The following PER2 variants were observed in gnomAD, a reference collection of about 807,000 sequenced individuals.
The protein encoded by PER2 is period circadian protein homolog 2.
Under a neutral mutation model 121.0 loss-of-function variants are expected in PER2, and 66 were observed. The observed-to-expected ratio is 0.55, with a 90% CI of 0.45 to 0.67. The LOEUF (loss-of-function observed/expected upper bound fraction) is 0.67, where lower values mean the gene tolerates loss of function less well. Among genes scored for constraint, PER2 ranks in the 30% least tolerant of loss-of-function variants. The probability of loss-of-function intolerance (pLI) is 0.00; values close to 1 mark genes in which losing one functional copy is unlikely to be tolerated. For missense variants in PER2, 1,521 were observed against 1,635.0 expected (o/e 0.93, Z 1.20); for synonymous variants, 684 against 659.9 (o/e 1.04, Z -0.56).
At chr2:238,272,058 A>G (rs1696307275) in intron 5 of PER2, among the ~76,000 whole-genome samples, 1 of 152,206 alleles carries the variant, frequency 6.6e-6, no homozygotes, top group African/African-American at 2.4e-5. Context: ...GGCCAGGAGT[A>G]CCTCTCAGGT....
chr2:238,261,662 C>A (rs745735219), intron 12 of PER2, 67 bp downstream of exon 12: 1 of 997,958 alleles, frequency 1.0e-6, no homozygotes, highest in African/African-American at 1.6e-5. Flanking sequence ...GGGTTCAGAG[C>A]CTATGTCCTC....
At chr2:238,284,663 G>A (rs1482441416) in intron 1 of PER2, among the ~76,000 whole-genome samples, 1 of 152,170 alleles carries the variant, frequency 6.6e-6, no homozygotes, top group Non-Finnish European at 1.5e-5. Flanking sequence ...TGCTTTGCAC[G>A]TAGCTCTCCT....
At chr2:238,264,727 G>A (rs1393076040) in intron 9 of PER2, among the ~76,000 whole-genome samples, 1 of 152,104 alleles carries the variant, frequency 6.6e-6, no homozygotes, top group Non-Finnish European at 1.5e-5. Flanking sequence ...TAGGCTCAGT[G>A]ATCCCCCTGC....
In PER2 at chr2:238,271,346, G is replaced by C; in HGVS notation, c.738C>G (p.Tyr246Ter). ...TGCACATGCTCCACAAGGGAAGCTT[G>C]TACGGGGAGGTGAAACTGTGGAACA... ...VGVFHSFTSP[Y>*]KLPLWSMCSG... Residue 246 changes from tyrosine (Y) to a stop codon, truncating the protein, a stop_gained, in exon 6 of 23, where the codon TAC (tyrosine) becomes TAG (stop). Transcript: ENST00000254657. LOFTEE classifies it high-confidence loss of function. 1.2e-6 allele frequency: 2 copies of C among 1,614,178 alleles called. No homozygotes were observed. Among genetic ancestry groups the C allele is most frequent in the Non-Finnish European group, 1.7e-6 (2 of 1,180,020 alleles).
At position 238,288,402 on chromosome 2, in the gene PER2, T is replaced by G. The variant is rs1312135913; in HGVS notation, c.-73A>C. The G allele has an allele frequency of 6.6e-6, 1 of 152,164 alleles. No homozygotes were observed. Among genetic ancestry groups the G allele is most frequent in the Admixed American group, 6.5e-5 (1 of 15,278 alleles). 9.4% of individuals were successfully genotyped at this position (152,164 alleles called of 1,614,324 possible). A position where few individuals can be genotyped will look rare whatever the true frequency, so the allele number is the denominator to read the frequency against. ...AAGCGGGGGTTCGAGTCCCCAACCC[T>G]CGGTGTCACCGCAGTTCAAACGAGC... On this transcript the variant is annotated 5_prime_UTR_variant, in exon 1 of 23. Transcript: ENST00000254657.
chr2:238,289,744 G>A (rs1449402460), upstream of PER2: 2 of 152,286 alleles, frequency 1.3e-5, no homozygotes, highest in Non-Finnish European at 2.9e-5. Flanking sequence ...GCAGGAGCCA[G>A]GGGTAGGAGG....
At chr2:238,262,049 G>A in intron 11 of PER2, 142 bp downstream of exon 11, 6 of 893,496 alleles carry the variant, frequency 6.7e-6, no homozygotes, top group Non-Finnish European at 1.1e-5. Context: ...TAGCAGTCTG[G>A]GGCTCCAGAT....
chr2:238,271,595 G>A (rs2106317851), intron 5 of PER2, 82 bp from the exon 6 acceptor site: 1 of 1,079,052 alleles, frequency 9.3e-7, no homozygotes, highest in South Asian at 1.3e-5. Context: ...AGGCTGGAGG[G>A]AGCCGCCCAC....
chr2:238,280,056 G>A (rs1696584342), intron 1 of PER2, among the ~76,000 whole-genome samples: 1 of 152,196 alleles, frequency 6.6e-6, no homozygotes, highest in African/African-American at 2.4e-5. Flanking sequence ...GTGGGAAGGA[G>A]AGGTTCTCCT....
chr2:238,277,218 A>G (rs1349846100), intron 2 of PER2, 25 bp from the exon 3 acceptor site: 1 of 1,504,626 alleles, frequency 6.6e-7, no homozygotes, highest in Non-Finnish European at 9.3e-7. Flanking sequence ...AATAAAAGCA[A>G]AATTTAGACA....
chr2:238,282,025 GT>G lies in PER2; in HGVS notation c.-19-4071del, dbSNP rs1042724680. On this transcript the variant is annotated intron_variant, in intron 1 of 22. Coordinates refer to ENST00000254657, the MANE Select transcript of PER2 (RefSeq NM_022817.3). Reference sequence around the variant, plus strand: ...CCTGCCTCCACCTGGCCCTGCTATGGTTAACACAGCATCTAGAGCGATCCTG... The same window carrying G: ...CCTGCCTCCACCTGGCCCTGCTATGGTAACACAGCATCTAGAGCGATCCTG... Among the ~76,000 whole-genome samples the G allele has an allele frequency of 7.9e-5, 12 of 152,102 alleles. 1 individual carries two copies. The highest frequency in any genetic ancestry group is 6.3e-3 in the Middle Eastern group (2 of 316).
intron 3 of PER2, among the ~76,000 whole-genome samples, chr2:238,276,157 T>C (rs957896959): frequency 2.7e-5 from 4 of 149,374 alleles, no homozygotes; most frequent in South Asian, 4.3e-4. Context: ...TGGGGCTCTG[T>C]AGATTTTCTC....
At position 238,245,783 on chromosome 2, in the gene PER2, G is replaced by A; in HGVS notation, c.*592C>T. The A allele has an allele frequency of 2.5e-6, 1 of 397,556 alleles. No individual in the cohort carries two copies. Among genetic ancestry groups the A allele is most frequent in the African/African-American group, 2.1e-5 (1 of 48,720 alleles). The allele number at this position is 397,556 out of a possible 1,614,324, so 24.6% of individuals were successfully genotyped here. A position where few individuals can be genotyped will look rare whatever the true frequency, so the allele number is the denominator to read the frequency against. ...AAAACCTATGTCAGACTGAAATATT[G>A]ACCACACCAGAAGCCAAAGCTGTTG... On this transcript the variant is annotated 3_prime_UTR_variant, in exon 23 of 23. Coordinates refer to ENST00000254657, the MANE Select transcript of PER2 (RefSeq NM_022817.3).
At chr2:238,259,255 C>T (rs991931000) in intron 14 of PER2, among the ~76,000 whole-genome samples, 1 of 152,196 alleles carries the variant, frequency 6.6e-6, no homozygotes, top group African/African-American at 2.4e-5. Flanking sequence ...GTGTTCCCCA[C>T]GGGAGGCTTC....
chr2:238,247,202 G>C (rs1046221198), intron 22 of PER2: 1 of 152,296 alleles, frequency 6.6e-6, no homozygotes, highest in Non-Finnish European at 1.5e-5. Context: ...CTCTAACAAA[G>C]AGTACCTGAC....
intron 8 of PER2, 50 bp from the exon 9 acceptor site, chr2:238,265,640 TTGA>T (rs1195046168): frequency 8.9e-7 from 1 of 1,126,560 alleles, no homozygotes; most frequent in Non-Finnish European, 1.4e-6. Context: ...AAATGCATAT[TTGA>T]TGTTATATTA....
chr2:238,250,630 A>C lies in PER2; in HGVS notation c.3388T>G (p.Cys1130Gly), dbSNP rs552007488. 2.7e-5 allele frequency: 44 copies of C among 1,613,938 alleles called. No individual in the cohort carries two copies. The highest frequency in any genetic ancestry group is 3.6e-5 in the Non-Finnish European group (42 of 1,179,746). The stretch of plus-strand genomic sequence containing the variant: ...AGCCAGATGGGATCCTGCAGGACGC[A>C]CTTAATGAAATGCTCACTTTCTTCC... ...GMEESEHFIK[C>G]VLQDPIWLLM... Residue 1130 changes from cysteine to glycine, a missense_variant, in exon 21 of 23, where the codon TGC (cysteine) becomes GGC (glycine). Physicochemically the swap from Cys to Gly is radical, Grantham distance 159. Coordinates refer to ENST00000254657, the MANE Select transcript of PER2 (RefSeq NM_022817.3).
intron 10 of PER2, 98 bp downstream of exon 10, chr2:238,262,854 T>C: frequency 1.2e-6 from 1 of 824,268 alleles, no homozygotes; most frequent in South Asian, 1.4e-5. Context: ...CCTTAGCTGA[T>C]CTGACCTGTC....
In PER2 at chr2:238,245,957, A is replaced by G. The variant is rs568229120; in HGVS notation, c.*418T>C. 83 of 264,566 alleles carry G rather than the reference A, an allele frequency of 3.1e-4. No individual in the cohort carries two copies. Among genetic ancestry groups the G allele is most frequent in the African/African-American group, 1.5e-3 (71 of 45,910 alleles). 16.4% of individuals were successfully genotyped at this position (264,566 alleles called of 1,614,324 possible). A position where few individuals can be genotyped will look rare whatever the true frequency, so the allele number is the denominator to read the frequency against. ...TAAAAAGCAGTCCCCAAGAGAGGAC[A>G]AAATTTGATCTGATCCAAACACCCT... On this transcript the variant is annotated 3_prime_UTR_variant, in exon 23 of 23. Coordinates refer to ENST00000254657, the MANE Select transcript of PER2 (RefSeq NM_022817.3).
Sources: allele counts gnomAD v4.1 joint callset (sites outside exome capture counted in the v4.1 genomes callset), GRCh38; gene constraint gnomAD v4.1.1; transcripts MANE v1.5; gene names NCBI Gene and HGNC (gene_info 2026-07-23, HGNC 2026-07-21).